Variants in RAB3GAP2 observed in about 807,000 individuals in gnomAD.
The protein encoded by RAB3GAP2 is RAB3 GTPase activating non-catalytic protein subunit 2, also known as rab3 GTPase-activating protein non-catalytic subunit.
Under a neutral mutation model 185.3 loss-of-function variants are expected in RAB3GAP2, and 87 were observed. That is an observed-to-expected ratio of 0.47 (90% CI 0.39 to 0.56). RAB3GAP2 has a LOEUF of 0.56. Among genes scored for constraint, RAB3GAP2 ranks in the 20% least tolerant of loss-of-function variants. The pLI is 0.00. For synonymous variants in RAB3GAP2, 554 were observed against 576.1 expected (o/e 0.96, Z 0.55); for missense variants, 1,492 against 1,638.2 (o/e 0.91, Z 1.54).
At chr1:220,268,307 G>A (rs1266818348) in intron 1 of RAB3GAP2, among the ~76,000 whole-genome samples, 1 of 152,098 alleles carries the variant, frequency 6.6e-6, no homozygotes, top group African/African-American at 2.4e-5. Flanking sequence ...AAAGTGCTCA[G>A]AACACTTACA....
chr1:220,241,638 A>G (rs1558167225), intron 1 of RAB3GAP2, among the ~76,000 whole-genome samples: 1 of 152,082 alleles, frequency 6.6e-6, no homozygotes, highest in Non-Finnish European at 1.5e-5. Flanking sequence ...TGCCTCTTAT[A>G]TTCCTATACA....
At chr1:220,208,481 T>C (rs1340916112) in intron 7 of RAB3GAP2, among the ~76,000 whole-genome samples, 2 of 152,340 alleles carry the variant, frequency 1.3e-5, no homozygotes, top group South Asian at 2.1e-4. Flanking sequence ...TCTGTGCCTA[T>C]ACAACAGTTT....
At chr1:220,243,749 A>G (rs1659743657) in intron 1 of RAB3GAP2, among the ~76,000 whole-genome samples, 1 of 152,234 alleles carries the variant, frequency 6.6e-6, no homozygotes, top group South Asian at 2.1e-4. Context: ...AGGTGCTGCT[A>G]TGGAGATCAA....
intron 2 of RAB3GAP2, among the ~76,000 whole-genome samples, chr1:220,222,927 CAT>C (rs767396905): frequency 3.3e-5 from 5 of 152,120 alleles, no homozygotes; most frequent in Admixed American, 1.3e-4. Flanking sequence ...CTATAATAAA[CAT>C]GTGTCAAATG....
At chr1:220,183,429 T>A (rs868126886) in intron 19 of RAB3GAP2, among the ~76,000 whole-genome samples, 2 of 152,008 alleles carry the variant, frequency 1.3e-5, no homozygotes, top group African/African-American at 4.8e-5. Context: ...AAAATTTTTT[T>A]TTTTGTAGAG....
At chr1:220,255,835 C>A (rs1161304501) in intron 1 of RAB3GAP2, among the ~76,000 whole-genome samples, 2 of 152,054 alleles carry the variant, frequency 1.3e-5, no homozygotes, top group South Asian at 4.1e-4. Flanking sequence ...ATGGAGAGAA[C>A]AGAACCAAGT....
rs371170247 is a variant in RAB3GAP2 at position 220,181,619 on chromosome 1, GTTT to G, written c.2310+635_2310+637del. ...CATTGCTTTATGGGAAGCTTATTTT[GTTT>G]TTAAGATATTTTTCATTGTAACATG... is the stretch of plus-strand genomic sequence containing the variant. On this transcript the variant is annotated intron_variant, in intron 21 of 34. Transcript: ENST00000358951. Among the ~76,000 whole-genome samples, 586 of 152,176 alleles carry G rather than the reference GTTT, an allele frequency of 3.9e-3. 3 individuals carry two copies. The highest frequency in any genetic ancestry group is 0.013 in the African/African-American group (556 of 41,518).
chr1:220,217,937 C>T lies in RAB3GAP2; in HGVS notation c.181-3958G>A, dbSNP rs182721189. 7.4e-3 allele frequency among the ~76,000 whole-genome samples: 1,121 copies of T among 152,274 alleles called. 7 individuals carry two copies. Among genetic ancestry groups the T allele is most frequent in the Non-Finnish European group, 0.012 (825 of 68,022 alleles). ...TATGATCAAGCTGCTGCTACCCCAACAAATGGACTATAAGTGATCTCAGAA... is the reference window on the plus strand; with the variant it reads ...TATGATCAAGCTGCTGCTACCCCAATAAATGGACTATAAGTGATCTCAGAA... On this transcript the variant is annotated intron_variant, in intron 2 of 34. Transcript: ENST00000358951.
intron 1 of RAB3GAP2, among the ~76,000 whole-genome samples, chr1:220,246,737 A>T (rs756751703): frequency 3.7e-5 from 5 of 133,586 alleles, no homozygotes; most frequent in Middle Eastern, 3.6e-3. Flanking sequence ...ACATGGACAC[A>T]GGAAGGGGAA....
At position 220,164,786 on chromosome 1, in the gene RAB3GAP2, A is replaced by G. The variant is rs779116648; in HGVS notation, c.3101T>C (p.Phe1034Ser). The change falls in exon 27 of 35, where the codon TTT becomes TCT. Residue 1034 changes from phenylalanine (F) to serine (S), a missense_variant. Physicochemically the swap from Phe to Ser is radical, Grantham distance 155. Transcript: ENST00000358951. ...WNKDPEEARF[F>S]VRSIEHLKQI... Reference sequence around the variant, plus strand: ...CTTCAAGTGTTCTATTGACCTAACAAAAAAACGTGCTTCCTTACATACAGG... The same window carrying G: ...CTTCAAGTGTTCTATTGACCTAACAGAAAAACGTGCTTCCTTACATACAGG... 2 of 1,608,904 alleles carry G rather than the reference A, an allele frequency of 1.2e-6. No individual in the cohort carries two copies. Among genetic ancestry groups the G allele is most frequent in the South Asian group, 2.2e-5 (2 of 90,270 alleles).
intron 28 of RAB3GAP2, among the ~76,000 whole-genome samples, chr1:220,159,834 T>C (rs550701896): frequency 1.7e-4 from 26 of 151,910 alleles, no homozygotes; most frequent in Non-Finnish European, 2.8e-4. Flanking sequence ...CTCGCCAACA[T>C]GGTGAAACCC....
chr1:220,267,063 C>T lies in RAB3GAP2; in HGVS notation c.115+5160G>A. ...CCAGGGTGCCACAGAGAGTGGTCCT[C>T]CTGGAAGATGGAGCATGTTCTGACC... On this transcript the variant is annotated intron_variant, in intron 1 of 34. Coordinates refer to ENST00000358951, the MANE Select transcript of RAB3GAP2 (RefSeq NM_012414.4). 8.1e-6 allele frequency: 13 copies of T among 1,605,496 alleles called. No homozygotes were observed. The South Asian group carries it at 1.4e-4, about 18-fold the overall frequency.
Position 220,167,417 on chromosome 1 carries a change from G to A in RAB3GAP2, c.2981-18C>T. 5.0e-6 allele frequency: 8 copies of A among 1,613,306 alleles called. No homozygotes were observed. Among genetic ancestry groups the A allele is most frequent in the African/African-American group, 1.3e-5 (1 of 75,026 alleles). ...CAGTAAGTCTGAAAGTCAGAAGAAA[G>A]CAGTGATGTTATTTTTTTCCTTAAT... On this transcript the variant is annotated intron_variant, in intron 25 of 34. Coordinates refer to ENST00000358951, the MANE Select transcript of RAB3GAP2 (RefSeq NM_012414.4).
At chr1:220,267,457 TG>T in intron 1 of RAB3GAP2, 1 of 1,393,970 alleles carries the variant, frequency 7.2e-7, no homozygotes, top group Admixed American at 1.7e-5. Context: ...AAACTTGCTT[TG>T]TTTTTCTCTT....
At chr1:220,208,865 T>A (rs760836802) in intron 7 of RAB3GAP2, among the ~76,000 whole-genome samples, 8 of 152,216 alleles carry the variant, frequency 5.3e-5, no homozygotes, top group Non-Finnish European at 7.4e-5. Flanking sequence ...TACAGGCGCA[T>A]GCCGCCATGC....
At chr1:220,209,306 T>C (rs554850456) in intron 7 of RAB3GAP2, among the ~76,000 whole-genome samples, 72 of 152,352 alleles carry the variant, frequency 4.7e-4, no homozygotes, top group Non-Finnish European at 1.5e-5. Context: ...AGTTTCTCAT[T>C]ACTTTATAAC....
At chr1:220,170,289 G>GATA (rs1658149545) in intron 24 of RAB3GAP2, among the ~76,000 whole-genome samples, 1 of 152,146 alleles carries the variant, frequency 6.6e-6, no homozygotes, top group African/African-American at 2.4e-5. Context: ...CTAGGGAAGG[G>GATA]ATAGCATTAG....
At chr1:220,184,850 G>A (rs76047717) in intron 18 of RAB3GAP2, among the ~76,000 whole-genome samples, 1 of 151,958 alleles carries the variant, frequency 6.6e-6, no homozygotes, top group Non-Finnish European at 1.5e-5. Flanking sequence ...GACAAGTGGT[G>A]TATGCTAAAG....
intron 2 of RAB3GAP2, among the ~76,000 whole-genome samples, chr1:220,225,852 T>C (rs1207894238): frequency 6.6e-6 from 1 of 152,200 alleles, no homozygotes; most frequent in Non-Finnish European, 1.5e-5. Flanking sequence ...CATGAGAGTC[T>C]ACTGAAAATA....
Sources: allele counts gnomAD v4.1 joint callset (sites outside exome capture counted in the v4.1 genomes callset), GRCh38; gene constraint gnomAD v4.1.1; transcripts MANE v1.5; gene names NCBI Gene and HGNC (gene_info 2026-07-23, HGNC 2026-07-21).